Variants in TMEM117 observed in about 807,000 individuals in gnomAD.
TMEM117 encodes the protein transmembrane protein 117.
A neutral mutation model predicts 52.4 loss-of-function variants in TMEM117; 27 were observed. The ratio of observed to expected loss-of-function variants is 0.51; its 90% CI spans 0.38 to 0.71. TMEM117 has a LOEUF of 0.71. TMEM117 is among the 30% of genes least tolerant of loss of function. The pLI, the probability that TMEM117 is intolerant of heterozygous loss-of-function variation, is 0.00. For synonymous variants in TMEM117, 215 were observed against 206.3 expected (o/e 1.04, Z -0.36); for missense variants, 556 against 630.5 (o/e 0.88, Z 1.26).
chr12:44,080,203 A>C (rs1947459293), intron 3 of TMEM117, among the ~76,000 whole-genome samples: 1 of 152,168 alleles, frequency 6.6e-6, no homozygotes, highest in Non-Finnish European at 1.5e-5. Flanking sequence ...TGGGTAATTT[A>C]TAGAGGAAAG....
intron 3 of TMEM117, among the ~76,000 whole-genome samples, chr12:44,118,627 T>C (rs1318207214): frequency 6.6e-6 from 1 of 152,216 alleles, no homozygotes; most frequent in Non-Finnish European, 1.5e-5. Context: ...CCTAAAACTT[T>C]AGTAGAAATT....
intron 2 of TMEM117, among the ~76,000 whole-genome samples, chr12:43,889,700 G>A (rs912036605): frequency 6.6e-6 from 1 of 152,208 alleles, no homozygotes; most frequent in Non-Finnish European, 1.5e-5. Context: ...TAAGAGAACT[G>A]TTGAGGGACA....
At chr12:43,809,060 T>G in the TMEM117 span, among the ~76,000 whole-genome samples, 1,132 of 152,336 alleles carry the variant, frequency 7.4e-3, 12 homozygotes, top group African/African-American at 0.025. Context: ...ATCATCTGTG[T>G]GGTCAATTGC....
rs117425562 is a variant in TMEM117 at position 43,890,000 on chromosome 12, T to G, written c.277+45072T>G. Among the ~76,000 whole-genome samples the G allele has an allele frequency of 3.1e-3, 474 of 152,020 alleles. 1 individual carries two copies. Among genetic ancestry groups the G allele is most frequent in the Middle Eastern group, 6.8e-3 (2 of 292 alleles). On this transcript the variant is annotated intron_variant, in intron 2 of 7. Transcript: ENST00000266534. ...AATAGTCCTTCAGAGTAGGCCTGAG[T>G]GGGATGAGAGCTTGGGCTTTTATAC...
intron 3 of TMEM117, among the ~76,000 whole-genome samples, chr12:44,122,069 A>G (rs1256708770): frequency 5.5e-5 from 8 of 146,482 alleles, no homozygotes; most frequent in Non-Finnish European, 1.2e-4. Flanking sequence ...TTTTTGAGAC[A>G]GAGTCTCACT....
chr12:43,847,553 A>G (rs1446652501), intron 2 of TMEM117, among the ~76,000 whole-genome samples: 1 of 152,186 alleles, frequency 6.6e-6, no homozygotes. Flanking sequence ...AACAAATGAA[A>G]GGGTTGCTGA....
the TMEM117 span, chr12:43,806,289 G>C: frequency 2.1e-6 from 3 of 1,452,984 alleles, no homozygotes; most frequent in Admixed American, 7.2e-5. Flanking sequence ...AGTGCAGCCA[G>C]CGGCCCCGGC....
At chr12:43,851,275 A>T (rs1356602907) in intron 2 of TMEM117, among the ~76,000 whole-genome samples, 1 of 152,202 alleles carries the variant, frequency 6.6e-6, no homozygotes, top group Non-Finnish European at 1.5e-5. Flanking sequence ...CATAAATGTT[A>T]TGATTTTGTG....
chr12:44,373,435 C>T (rs747938532), intron 6 of TMEM117, among the ~76,000 whole-genome samples: 5 of 152,244 alleles, frequency 3.3e-5, no homozygotes, highest in African/African-American at 7.2e-5. Flanking sequence ...CGACTTTCTT[C>T]CTTTTTCTCC....
At chr12:44,276,847 G>GT (rs74631291) in intron 5 of TMEM117, among the ~76,000 whole-genome samples, 12 of 151,160 alleles carry the variant, frequency 7.9e-5, no homozygotes, top group East Asian at 5.8e-4. Context: ...AGCTAGACCT[G>GT]TTTTTTTTCC....
At chr12:43,893,346 A>G (rs1380036737) in intron 2 of TMEM117, among the ~76,000 whole-genome samples, 1 of 152,216 alleles carries the variant, frequency 6.6e-6, no homozygotes, top group African/African-American at 2.4e-5. Flanking sequence ...CTAGGGTGAG[A>G]GCAGTGAAGA....
intron 2 of TMEM117, among the ~76,000 whole-genome samples, chr12:43,848,473 C>T (rs542541606): frequency 2.8e-4 from 43 of 152,218 alleles, no homozygotes; most frequent in Non-Finnish European, 4.6e-4. Flanking sequence ...AAGCATTTAA[C>T]GATATGTTTC....
chr12:43,996,078 A>G (rs1262598736), intron 3 of TMEM117, among the ~76,000 whole-genome samples: 1 of 152,234 alleles, frequency 6.6e-6, no homozygotes, highest in Non-Finnish European at 1.5e-5. Context: ...TGACAACAGA[A>G]ATCTTTTACT....
At chr12:43,944,165 T>C in intron 2 of TMEM117, 45 bp from the exon 3 acceptor site, 12 of 1,518,992 alleles carry the variant, frequency 7.9e-6, no homozygotes, top group Non-Finnish European at 1.1e-5. Flanking sequence ...TCCATGAATT[T>C]TGAGTTACAG....
At chr12:43,909,381 C>T (rs2137527486) in intron 2 of TMEM117, among the ~76,000 whole-genome samples, 2 of 73,340 alleles carry the variant, frequency 2.7e-5, no homozygotes, top group Non-Finnish European at 3.5e-5. Context: ...ACTAAATGCC[C>T]ACAAGAGAAA....
At chr12:43,846,221 A>G (rs1295032161) in intron 2 of TMEM117, among the ~76,000 whole-genome samples, 1 of 152,174 alleles carries the variant, frequency 6.6e-6, no homozygotes, top group Non-Finnish European at 1.5e-5. Flanking sequence ...AGTTTAAGTT[A>G]AAAAGGTAAC....
intron 5 of TMEM117, among the ~76,000 whole-genome samples, chr12:44,277,926 G>T (rs891074291): frequency 1.3e-5 from 2 of 151,984 alleles, no homozygotes. Context: ...ACCATGCCCA[G>T]CTAATTTTTG....
At chr12:44,076,624 A>T (rs1483950253) in intron 3 of TMEM117, among the ~76,000 whole-genome samples, 1 of 152,188 alleles carries the variant, frequency 6.6e-6, no homozygotes, top group Non-Finnish European at 1.5e-5. Context: ...ATGGATAGCA[A>T]ATCAGCACAT....
At chr12:44,022,519 C>A (rs1246034732) in intron 3 of TMEM117, among the ~76,000 whole-genome samples, 2 of 152,164 alleles carry the variant, frequency 1.3e-5, no homozygotes, top group Non-Finnish European at 2.9e-5. Flanking sequence ...AATGCATAGA[C>A]ATGCATATTA....
Sources: gnomAD v4.1 joint callset for allele counts (sites outside exome capture counted in the v4.1 genomes callset) on GRCh38, gnomAD v4.1.1 for gene constraint, MANE v1.5 for transcripts, NCBI Gene and HGNC (gene_info 2026-07-23, HGNC 2026-07-21) for gene names.